ATCAY: variants seen among roughly 807,000 people sequenced by gnomAD.
The protein encoded by ATCAY is ATCAY kinesin light chain interacting caytaxin.
In ATCAY, 22 loss-of-function variants were observed where a neutral mutation model predicts 47.7. That is an observed-to-expected ratio of 0.46 (90% confidence interval 0.33 to 0.66). The LOEUF is 0.66. Ranked by LOEUF, ATCAY falls within the 30% of genes least tolerant of loss-of-function variation. The pLI is 0.02. For synonymous variants in ATCAY, 216 were observed against 207.6 expected (o/e 1.04, Z -0.35); for missense variants, 452 against 515.0 (o/e 0.88, Z 1.18).
At chr19:3,904,008 C>G (rs1039118275) in intron 3 of ATCAY, among the ~76,000 whole-genome samples, 8 of 147,126 alleles carry the variant, frequency 5.4e-5, no homozygotes, top group Admixed American at 2.1e-4. Flanking sequence ...AAAAAATTAG[C>G]CGGGCATTGT....
At chr19:3,885,126 A>C (rs1306495651) in intron 1 of ATCAY, among the ~76,000 whole-genome samples, 2 of 149,916 alleles carry the variant, frequency 1.3e-5, no homozygotes, top group African/African-American at 4.9e-5. Context: ...AAAAAAAAAA[A>C]AAAAAAAAAC....
At position 3,885,459 on chromosome 19, in the gene ATCAY, C is replaced by T. The variant is rs376239867; in HGVS notation, c.-41-268C>T. Among the ~76,000 whole-genome samples the T allele has an allele frequency of 1.3e-4, 19 of 151,938 alleles. 2 individuals are homozygous for T. Among genetic ancestry groups the T allele is most frequent in the East Asian group, 3.9e-4 (2 of 5,168 alleles). On this transcript the variant is annotated intron_variant, in intron 1 of 12. Coordinates refer to ENST00000450849, the MANE Select transcript of ATCAY (RefSeq NM_033064.5). ...ACCCCAGCTACTTGGGAGGCTGAGG[C>T]GGGAGAATCGCTTGAGCCTGGAAGG...
At position 3,913,843 on chromosome 19, in the gene ATCAY, G is replaced by C; in HGVS notation, c.952G>C (p.Asp318His). Residue 318 changes from aspartate to histidine, a missense_variant, in exon 9 of 13, where the codon GAC becomes CAC. By Grantham distance (81) the Asp-to-His change is moderately conservative. Coordinates refer to ENST00000450849, the MANE Select transcript of ATCAY (RefSeq NM_033064.5). ...CCCTATGGAACACGTCCAGATCCCA[G>C]ACTGCGTCCTGCAGTGAGTGGCCCC... The part of the protein sequence containing the change: ...LIPMEHVQIP[D>H]CVLQYEEERL... 1 of 1,613,552 alleles carries C rather than the reference G, an allele frequency of 6.2e-7. No homozygotes were observed. Among genetic ancestry groups the C allele is most frequent in the Non-Finnish European group, 8.5e-7 (1 of 1,179,724 alleles).
chr19:3,922,238 C>G, intron 12 of ATCAY: 1 of 700,768 alleles, frequency 1.4e-6, no homozygotes, highest in Non-Finnish European at 2.6e-6. Flanking sequence ...TGTTATTAGT[C>G]CATTCTCATG....
In ATCAY at chr19:3,913,643, G is replaced by A. The variant is rs553596785; in HGVS notation, c.867-115G>A. The stretch of plus-strand genomic sequence containing the variant: ...GGGAGGTGTCGTCGTCTGCACTGGG[G>A]CATCCTGGAGTGGGGTCCTGTGGGG... On this transcript the variant is annotated intron_variant, in intron 8 of 12. Coordinates refer to ENST00000450849, the MANE Select transcript of ATCAY (RefSeq NM_033064.5). 34 of 729,886 alleles carry A rather than the reference G, an allele frequency of 4.7e-5. No individual in the cohort carries two copies. The Middle Eastern group carries it at 9.6e-4, about 21-fold the overall frequency. The allele number at this position is 729,886 out of a possible 1,614,324, so 45.2% of individuals were successfully genotyped here.
rs1599151552 is a variant in ATCAY, at chr19:3,924,847, A to C, written c.*255A>C. The C allele has an allele frequency of 6.3e-6, 3 of 473,900 alleles. No individual in the cohort carries two copies. Among genetic ancestry groups the C allele is most frequent in the South Asian group, 2.9e-5 (1 of 34,758 alleles). 29.4% of individuals were successfully genotyped at this position (473,900 alleles called of 1,614,324 possible). On this transcript the variant is annotated 3_prime_UTR_variant, in exon 13 of 13. Coordinates refer to ENST00000450849, the MANE Select transcript of ATCAY (RefSeq NM_033064.5). ...AGCTCTGAGCCCCTCACCCTTCCAC[A>C]CTCACGAACTCTCAGCCGAGGAAGG... is the stretch of plus-strand genomic sequence containing the variant.
chr19:3,900,376 C>CA (rs1367086456), intron 2 of ATCAY, among the ~76,000 whole-genome samples: 1 of 151,774 alleles, frequency 6.6e-6, no homozygotes, highest in African/African-American at 2.4e-5. Context: ...TTTGTAGAGA[C>CA]AGAGTTACGC....
At chr19:3,924,127 TGTGGGTGG>T (rs1011180752) in intron 12 of ATCAY, among the ~76,000 whole-genome samples, 6 of 123,408 alleles carry the variant, frequency 4.9e-5, no homozygotes, top group African/African-American at 1.9e-4. Flanking sequence ...TGGATGGATG[TGTGGGTGG>T]GTGGATGGGT....
chr19:3,922,136 A>T, intron 12 of ATCAY: 1 of 702,732 alleles, frequency 1.4e-6, no homozygotes, highest in Non-Finnish European at 2.6e-6. Context: ...CACCTGGCTG[A>T]CTGTCTGCAT....
chr19:3,889,377 A>C (rs1276985865), intron 2 of ATCAY, among the ~76,000 whole-genome samples: 6 of 152,098 alleles, frequency 3.9e-5, no homozygotes, highest in Admixed American at 3.9e-4. Flanking sequence ...CGCACCACTG[A>C]ACTCCAGCCT....
At chr19:3,889,478 T>A (rs977858293) in intron 2 of ATCAY, among the ~76,000 whole-genome samples, 1 of 151,936 alleles carries the variant, frequency 6.6e-6, no homozygotes, top group Admixed American at 6.6e-5. Context: ...GCACCTGTAG[T>A]TTCAGCTACT....
At position 3,909,486 on chromosome 19, in the gene ATCAY, G is replaced by A; in HGVS notation, c.648G>A (p.Leu216=). ...DYHYIMENLF[L]YVISSLELLV... is the part of the protein sequence containing the mutation. The stretch of plus-strand genomic sequence containing the variant: ...CCTGCCTTCTGTGCCCCGTGAGCAG[G>A]TACGTCATCAGCAGCTTAGAGCTCC... The change falls in exon 7 of 13, where the codon CTG becomes CTA. Residue 216 remains leucine, a splice_region_variant and synonymous_variant. Coordinates refer to ENST00000450849, the MANE Select transcript of ATCAY (RefSeq NM_033064.5). The A allele has an allele frequency of 6.2e-7, 1 of 1,613,244 alleles. No individual in the cohort carries two copies. Among genetic ancestry groups the A allele is most frequent in the East Asian group, 2.2e-5 (1 of 44,758 alleles).
chr19:3,900,605 C>T (rs1428248264), intron 2 of ATCAY, among the ~76,000 whole-genome samples: 3 of 151,766 alleles, frequency 2.0e-5, no homozygotes, highest in African/African-American at 4.8e-5. Context: ...GGCACGATCT[C>T]GGCTCACTGC....
chr19:3,888,396 G>A (rs952819875), intron 2 of ATCAY, among the ~76,000 whole-genome samples: 8 of 152,040 alleles, frequency 5.3e-5, no homozygotes, highest in Non-Finnish European at 1.0e-4. Flanking sequence ...TTGGGAGGCC[G>A]AGGCGGGCAA....
At chr19:3,885,556 AAAAG>A (rs1391271899) in intron 1 of ATCAY, among the ~76,000 whole-genome samples, 167 bp from the exon 2 acceptor site, 1 of 148,668 alleles carries the variant, frequency 6.7e-6, no homozygotes, top group Non-Finnish European at 1.5e-5. Context: ...TCCGTCTCAA[AAAAG>A]AAGAAGAAGA....
intron 2 of ATCAY, 69 bp downstream of exon 2, chr19:3,885,913 C>G: frequency 6.7e-7 from 1 of 1,486,470 alleles, no homozygotes; most frequent in Non-Finnish European, 9.2e-7. Flanking sequence ...GACACAGGAG[C>G]GGCCCGGGTC....
At chr19:3,896,354 A>C (rs1599281818) in intron 2 of ATCAY, among the ~76,000 whole-genome samples, 1 of 140,898 alleles carries the variant, frequency 7.1e-6, no homozygotes, top group Non-Finnish European at 1.5e-5. Flanking sequence ...TGCAACCTCC[A>C]CCTCCCGGGT....
intron 2 of ATCAY, among the ~76,000 whole-genome samples, chr19:3,886,169 C>G (rs900744249): frequency 8.5e-5 from 13 of 152,342 alleles, no homozygotes; most frequent in African/African-American, 2.9e-4. Context: ...AACATTCTGG[C>G]TGGGCGCGGC....
intron 9 of ATCAY, among the ~76,000 whole-genome samples, chr19:3,914,906 A>C (rs924541089): frequency 4.0e-5 from 6 of 151,444 alleles, no homozygotes; most frequent in Non-Finnish European, 7.4e-5. Flanking sequence ...CCTGGCTACC[A>C]GGAGCCAGCA....
Sources: allele counts gnomAD v4.1 joint callset (sites outside exome capture counted in the v4.1 genomes callset), GRCh38; gene constraint gnomAD v4.1.1; transcripts MANE v1.5; gene names NCBI Gene and HGNC (gene_info 2026-07-23, HGNC 2026-07-21).